Variants in SENP2 observed in about 807,000 individuals in gnomAD.
SENP2 encodes sentrin-specific protease 2.
SENP2 carries 16 observed loss-of-function variants against 86.3 expected under a neutral mutation model. That is an observed-to-expected ratio of 0.19 (90% CI 0.13 to 0.28). SENP2 has a LOEUF of 0.28. Among genes scored for constraint, SENP2 ranks in the 10% least tolerant of loss-of-function variants. The probability of loss-of-function intolerance (pLI) is 1.00; values close to 1 mark genes in which losing one functional copy is unlikely to be tolerated. For missense variants in SENP2, 552 were observed against 703.0 expected (o/e 0.79, Z 2.43); for synonymous variants, 222 against 238.7 (o/e 0.93, Z 0.64).
chr3:185,590,093 T>A (rs770681861), intron 1 of SENP2, 21 bp from the exon 2 acceptor site: 76 of 1,399,102 alleles, frequency 5.4e-5, no homozygotes, highest in Middle Eastern at 2.1e-4. Context: ...ATATATATAT[T>A]TTTTTCTTTC....
intron 14 of SENP2, among the ~76,000 whole-genome samples, chr3:185,622,448 C>T (rs917208764): frequency 6.6e-6 from 1 of 152,266 alleles, no homozygotes; most frequent in Admixed American, 6.5e-5. Context: ...TCCTTTTCTG[C>T]TCACTAGAAG....
At chr3:185,601,338 C>A (rs1358293482) in intron 5 of SENP2, among the ~76,000 whole-genome samples, 1 of 151,824 alleles carries the variant, frequency 6.6e-6, no homozygotes, top group Non-Finnish European at 1.5e-5. Flanking sequence ...AGCCACCGCA[C>A]CTGGCCTTAC....
intron 7 of SENP2, among the ~76,000 whole-genome samples, chr3:185,610,255 G>T (rs758634295): frequency 9.3e-5 from 14 of 150,200 alleles, no homozygotes; most frequent in Non-Finnish European, 1.9e-4. Context: ...CCGCTTCCTG[G>T]GTTCAAGCGA....
intron 16 of SENP2, among the ~76,000 whole-genome samples, chr3:185,627,403 T>C (rs1712200701): frequency 6.6e-6 from 1 of 152,160 alleles, no homozygotes; most frequent in Non-Finnish European, 1.5e-5. Flanking sequence ...TCTGCTCTTT[T>C]GTGTTTGTTT....
intron 14 of SENP2, among the ~76,000 whole-genome samples, chr3:185,622,817 CTTTTTTTTTT>C (rs35711486): frequency 7.8e-5 from 7 of 89,346 alleles, no homozygotes; most frequent in African/African-American, 2.9e-4. Context: ...TACATTCATG[CTTTTTTTTTT>C]TTTTTTTTTT....
intron 15 of SENP2, among the ~76,000 whole-genome samples, chr3:185,625,140 C>T (rs1448766678): frequency 1.3e-5 from 2 of 148,794 alleles, no homozygotes; most frequent in African/African-American, 5.0e-5. Flanking sequence ...GAGACGGAGT[C>T]TCGCTCTGTC....
chr3:185,611,256 G>A (rs1315529986), intron 7 of SENP2, among the ~76,000 whole-genome samples: 2 of 152,170 alleles, frequency 1.3e-5, no homozygotes, highest in East Asian at 1.9e-4. Flanking sequence ...CAGCCTGGGC[G>A]ACAGTGCGAG....
At chr3:185,621,221 T>C (rs895821354) in intron 13 of SENP2, among the ~76,000 whole-genome samples, 1 of 42,210 alleles carries the variant, frequency 2.4e-5, no homozygotes, top group African/African-American at 1.0e-4. Context: ...GATACAGATA[T>C]AAAGAAAGCA....
chr3:185,602,911 CTT>C (rs748676466), intron 5 of SENP2, among the ~76,000 whole-genome samples: 25,678 of 104,974 alleles, frequency 0.24, 2,720 homozygotes, highest in African/African-American at 0.32. Flanking sequence ...TTACACGTTA[CTT>C]TTTTTTTTTT....
At chr3:185,627,808 C>T (rs1033297730) in intron 16 of SENP2, among the ~76,000 whole-genome samples, 1 of 152,206 alleles carries the variant, frequency 6.6e-6, no homozygotes, top group Admixed American at 6.5e-5. Context: ...GGATTCTCAA[C>T]CTTTTTACAA....
chr3:185,588,687 C>T (rs771740374), intron 1 of SENP2, among the ~76,000 whole-genome samples: 3 of 152,162 alleles, frequency 2.0e-5, no homozygotes, highest in Middle Eastern at 3.4e-3. Context: ...CCTATCTTTC[C>T]GTTGGGTTGA....
chr3:185,612,871 C>T (rs1018199418), intron 9 of SENP2, among the ~76,000 whole-genome samples: 1 of 152,190 alleles, frequency 6.6e-6, no homozygotes, highest in African/African-American at 2.4e-5. Flanking sequence ...TCCCAGGCGT[C>T]AGGGGTTGGG....
intron 13 of SENP2, 49 bp from the exon 14 acceptor site, chr3:185,621,777 C>T (rs528430844): frequency 2.9e-5 from 32 of 1,103,650 alleles, no homozygotes; most frequent in Non-Finnish European, 4.2e-5. Flanking sequence ...AAAATTCTCA[C>T]TCCTCTTACA....
At position 185,589,093 on chromosome 3, in the gene SENP2, G is replaced by C. The variant is rs570191597; in HGVS notation, c.102-1021G>C. ...CTATTCATTTTTTTTTTTTGCATGT[G>C]TGAATATAATTGATCATAAGGGTTC... On this transcript the variant is annotated intron_variant, in intron 1 of 16. Coordinates refer to ENST00000296257, the MANE Select transcript of SENP2 (RefSeq NM_021627.3). Among the ~76,000 whole-genome samples the C allele has an allele frequency of 3.3e-5, 5 of 151,076 alleles. No homozygotes were observed. In the South Asian group the frequency reaches 6.3e-4, roughly 19 times the overall value.
In SENP2 at chr3:185,586,801, T is replaced by C. The variant is rs1721798469; in HGVS notation, c.101+287T>C. ...GCCGCTCTTAGGCTGAACACTAACA[T>C]TGAAGGAATACTGTCTTTGTTGTGG... On this transcript the variant is annotated intron_variant, in intron 1 of 16. Coordinates refer to ENST00000296257, the MANE Select transcript of SENP2 (RefSeq NM_021627.3). The surrounding 1 kb of genome is among the most constrained non-coding windows in gnomAD (Gnocchi z 4.3). Among the ~76,000 whole-genome samples the C allele has an allele frequency of 6.6e-6, 1 of 152,154 alleles. No homozygotes were observed. The highest frequency in any genetic ancestry group is 2.1e-4 in the South Asian group (1 of 4,824).
intron 2 of SENP2, among the ~76,000 whole-genome samples, chr3:185,593,929 A>G (rs1722091565): frequency 6.6e-6 from 1 of 151,880 alleles, no homozygotes; most frequent in Non-Finnish European, 1.5e-5. Context: ...GGGTTTCACC[A>G]TGTTGGCCAG....
chr3:185,629,729 C>T, intron 16 of SENP2, 53 bp from the exon 17 acceptor site: 2 of 1,556,584 alleles, frequency 1.3e-6, no homozygotes, highest in South Asian at 2.2e-5. Flanking sequence ...GAAGGTTGTG[C>T]TGCCATGCAC....
rs1722036027 is a variant in SENP2 at position 185,592,329 on chromosome 3, G to A, written c.157+2160G>A. On this transcript the variant is annotated intron_variant, in intron 2 of 16. Transcript: ENST00000296257. ...TGCCCTTCCAAAGTGCCGGGATTAT[G>A]GATATGAGCCACTGTGCCCAGCCAA... Among the ~76,000 whole-genome samples the A allele has an allele frequency of 4.6e-5, 7 of 151,932 alleles. No homozygotes were observed. The South Asian group carries it at 1.2e-3, about 27-fold the overall frequency.
At chr3:185,614,941 T>C (rs562373949) in intron 11 of SENP2, among the ~76,000 whole-genome samples, 4 of 152,342 alleles carry the variant, frequency 2.6e-5, no homozygotes, top group East Asian at 1.9e-4. Flanking sequence ...AGGGATCAGA[T>C]TGATATTCAG....
Sources: allele counts gnomAD v4.1 joint callset (sites outside exome capture counted in the v4.1 genomes callset), GRCh38; gene constraint gnomAD v4.1.1; non-coding constraint Gnocchi (gnomAD v3.1); transcripts MANE v1.5; gene names NCBI Gene and HGNC (gene_info 2026-07-23, HGNC 2026-07-21).